Variants in MCMBP observed in about 807,000 individuals in gnomAD.
MCMBP encodes minichromosome maintenance complex binding protein, also known as mini-chromosome maintenance complex-binding protein.
Under a neutral mutation model 81.3 loss-of-function variants are expected in MCMBP, and 31 were observed. The observed-to-expected ratio is 0.38, with a 90% CI of 0.29 to 0.51. The LOEUF (loss-of-function observed/expected upper bound fraction) is 0.51, where lower values mean the gene tolerates loss of function less well. MCMBP is among the 20% of genes least tolerant of loss of function. MCMBP has a pLI of 0.87. For synonymous variants in MCMBP, 267 were observed against 275.9 expected (o/e 0.97, Z 0.32); for missense variants, 645 against 772.1 (o/e 0.84, Z 1.95).
In MCMBP at chr10:119,857,322, T is replaced by C; in HGVS notation, c.429+16A>G. ...AGAAACCATCAACACAGTAAGAAAGTTCAGATAAAGGATATTTCTTTTACC... is the reference window on the plus strand; with the variant it reads ...AGAAACCATCAACACAGTAAGAAAGCTCAGATAAAGGATATTTCTTTTACC... On this transcript the variant is annotated intron_variant, in intron 5 of 15. Transcript: ENST00000369077. 6.4e-7 allele frequency: 1 copy of C among 1,558,694 alleles called. No homozygotes were observed. The highest frequency in any genetic ancestry group is 8.8e-7 in the Non-Finnish European group (1 of 1,136,406).
intron 14 of MCMBP, among the ~76,000 whole-genome samples, chr10:119,835,171 G>C (rs926494585): frequency 1.3e-5 from 2 of 152,194 alleles, no homozygotes; most frequent in African/African-American, 4.8e-5. Context: ...AGAAGGAACG[G>C]AATTATAAAG....
chr10:119,859,973 A>G, intron 1 of MCMBP, 89 bp from the exon 2 acceptor site: 1 of 945,740 alleles, frequency 1.1e-6, no homozygotes, highest in Non-Finnish European at 1.6e-6. Context: ...TAGTTTAGTC[A>G]GCAAAAAACA....
intron 4 of MCMBP, chr10:119,858,080 T>C (rs992819936): frequency 6.6e-6 from 1 of 152,250 alleles, no homozygotes; most frequent in Admixed American, 6.5e-5. Flanking sequence ...GGATCAACTG[T>C]ATTAATGATT....
chr10:119,855,047 GCTT>G (rs1033445698), intron 5 of MCMBP, among the ~76,000 whole-genome samples: 4 of 151,710 alleles, frequency 2.6e-5, no homozygotes, highest in South Asian at 2.1e-4. Flanking sequence ...AATTCTTCTT[GCTT>G]CTTAATTTAT....
rs1851940426 is a variant in MCMBP at position 119,829,938 on chromosome 10, G to T, written c.*1536C>A. 1 of 152,518 alleles carries T rather than the reference G, an allele frequency of 6.6e-6. No homozygotes were observed. Among genetic ancestry groups the T allele is most frequent in the Admixed American group, 6.6e-5 (1 of 15,266 alleles). The allele number at this position is 152,518 out of a possible 1,614,324, so 9.4% of individuals were successfully genotyped here. A position where few individuals can be genotyped will look rare whatever the true frequency, so the allele number is the denominator to read the frequency against. On this transcript the variant is annotated 3_prime_UTR_variant, in exon 16 of 16. Coordinates refer to ENST00000369077, the MANE Select transcript of MCMBP (RefSeq NM_001256378.2). ...TGGTGACTAATGTACTTTGCTCTAG[G>T]ACAATTAAAGAAAATGTATTTTATC...
intron 5 of MCMBP, among the ~76,000 whole-genome samples, chr10:119,853,444 A>C (rs1219794231): frequency 6.6e-6 from 1 of 152,228 alleles, no homozygotes; most frequent in East Asian, 1.9e-4. Flanking sequence ...GTCACTGGAC[A>C]ACAGGGAGCA....
In MCMBP at chr10:119,872,821, C is replaced by T. The variant is rs1342882571; in HGVS notation, c.-237G>A. 3 of 166,542 alleles carry T rather than the reference C, an allele frequency of 1.8e-5. No homozygotes were observed. The highest frequency in any genetic ancestry group is 1.8e-4 in the East Asian group (1 of 5,676). The allele number at this position is 166,542 out of a possible 1,614,324, so 10.3% of individuals were successfully genotyped here. On this transcript the variant is annotated 5_prime_UTR_variant, in exon 1 of 16. Transcript: ENST00000369077. ...GACAGTCAGGCGGGCGCGTACGGGC[C>T]CCTAGCCTTCACTTCGCACAATGGC...
At chr10:119,870,241 G>A (rs1331443257) in intron 1 of MCMBP, among the ~76,000 whole-genome samples, 1 of 152,180 alleles carries the variant, frequency 6.6e-6, no homozygotes, top group African/African-American at 2.4e-5. Flanking sequence ...GAGGTCAAGA[G>A]ATCTAGACCA....
chr10:119,851,321 C>CATTCAAACAAG (rs1416890498), intron 6 of MCMBP, among the ~76,000 whole-genome samples: 1 of 152,162 alleles, frequency 6.6e-6, no homozygotes, highest in Non-Finnish European at 1.5e-5. Context: ...TGCATTAAGA[C>CATTCAAACAAG]ATTCAAACAA....
chr10:119,830,901 C>CTGT lies in MCMBP; in HGVS notation c.*570_*572dup, dbSNP rs146248670. The stretch of plus-strand genomic sequence containing the variant: ...CCATGTACAAGTTTAGTTTTGCAGG[C>CTGT]TGTTAACAAATGTTAAGTGGGAAAA... On this transcript the variant is annotated 3_prime_UTR_variant, in exon 16 of 16. Coordinates refer to ENST00000369077, the MANE Select transcript of MCMBP (RefSeq NM_001256378.2). 3 of 152,550 alleles carry CTGT rather than the reference C, an allele frequency of 2.0e-5. No homozygotes were observed. Among genetic ancestry groups the CTGT allele is most frequent in the Admixed American group, 2.0e-4 (3 of 15,274 alleles). The allele number at this position is 152,550 out of a possible 1,614,324, so 9.4% of individuals were successfully genotyped here. A position where few individuals can be genotyped will look rare whatever the true frequency, so the allele number is the denominator to read the frequency against.
chr10:119,845,450 T>C (rs1437500949), intron 8 of MCMBP, among the ~76,000 whole-genome samples: 8 of 152,162 alleles, frequency 5.3e-5, no homozygotes, highest in African/African-American at 1.4e-4. Flanking sequence ...ATATATACCA[T>C]GTTACCTTTT....
chr10:119,854,152 C>T (rs1054717633), intron 5 of MCMBP, among the ~76,000 whole-genome samples: 7 of 151,566 alleles, frequency 4.6e-5, no homozygotes, highest in South Asian at 2.1e-4. Context: ...GTGATCCTCC[C>T]GTCTCAAGCC....
rs778415753 is a variant in MCMBP, at chr10:119,836,895, C to G, written c.1542+1G>C. On this transcript the variant is annotated splice_donor_variant, in intron 13 of 15. Transcript: ENST00000369077. LOFTEE classifies it high-confidence loss of function. The stretch of plus-strand genomic sequence containing the variant: ...CTCCATTTAAAAATGACTCATCATA[C>G]CGGGAGGAGTGACCTCCCCTCCGAA... The G allele has an allele frequency of 2.5e-6, 4 of 1,601,640 alleles. No individual in the cohort carries two copies.
chr10:119,868,245 G>C (rs2134411168), intron 1 of MCMBP, among the ~76,000 whole-genome samples: 1 of 152,210 alleles, frequency 6.6e-6, no homozygotes, highest in South Asian at 2.1e-4. Context: ...GGCCAACATG[G>C]CAAAACCCTG....
At chr10:119,859,913 A>C (rs752479849) in intron 1 of MCMBP, 29 bp from the exon 2 acceptor site, 6 of 1,504,108 alleles carry the variant, frequency 4.0e-6, no homozygotes, top group Non-Finnish European at 5.5e-6. Context: ...TTTCAAAGCT[A>C]ATGTACATGC....
intron 14 of MCMBP, 140 bp from the exon 15 acceptor site, chr10:119,832,240 T>C (rs1805824006): frequency 1.7e-6 from 1 of 573,352 alleles, no homozygotes; most frequent in Non-Finnish European, 3.0e-6. Flanking sequence ...CCAAAGCATA[T>C]ACATACATAA....
chr10:119,853,321 G>A, intron 5 of MCMBP, 127 bp from the exon 6 acceptor site: 3 of 962,018 alleles, frequency 3.1e-6, no homozygotes, highest in Non-Finnish European at 4.6e-6. Flanking sequence ...TTTCATAAAA[G>A]GAGGCTAGAC....
chr10:119,870,044 T>C (rs897350925), intron 1 of MCMBP, among the ~76,000 whole-genome samples: 1 of 152,256 alleles, frequency 6.6e-6, no homozygotes, highest in Non-Finnish European at 1.5e-5. Flanking sequence ...TAGCCACACA[T>C]GGCTACTGCC....
rs138910098 is a variant in MCMBP at position 119,855,149 on chromosome 10, C to T, written c.430-1955G>A. On this transcript the variant is annotated intron_variant, in intron 5 of 15. Transcript: ENST00000369077. ...AGTGAAATCTATGACAAAAATAGCA[C>T]GAAGAATGAGACTACACAGAAGCAG... 6.2e-3 allele frequency among the ~76,000 whole-genome samples: 937 copies of T among 151,776 alleles called. 4 individuals are homozygous for T. Among genetic ancestry groups the T allele is most frequent in the Non-Finnish European group, 0.011 (750 of 67,940 alleles).
Sources: gnomAD v4.1 joint callset for allele counts (sites outside exome capture counted in the v4.1 genomes callset) on GRCh38, gnomAD v4.1.1 for gene constraint, MANE v1.5 for transcripts, NCBI Gene and HGNC (gene_info 2026-07-23, HGNC 2026-07-21) for gene names.